STAU2: variants seen among roughly 807,000 people sequenced by gnomAD.
STAU2 encodes double-stranded RNA-binding protein Staufen homolog 2.
A neutral mutation model predicts 65.9 loss-of-function variants in STAU2; 20 were observed. The ratio of observed to expected loss-of-function variants is 0.30; its 90% confidence interval spans 0.21 to 0.44. STAU2 has a LOEUF of 0.44. Ranked by LOEUF, STAU2 falls within the 20% of genes least tolerant of loss-of-function variation. STAU2 has a pLI of 1.00. For missense variants in STAU2, 558 were observed against 683.9 expected (o/e 0.82, Z 2.05); for synonymous variants, 232 against 233.9 (o/e 0.99, Z 0.07).
intron 13 of STAU2, chr8:73,550,620 T>C: frequency 1.0e-6 from 1 of 978,662 alleles, no homozygotes; most frequent in Non-Finnish European, 1.2e-6. Context: ...ACTTAGCTTT[T>C]TTCCAGTACT....
chr8:73,529,993 G>T (rs968539599), intron 13 of STAU2, among the ~76,000 whole-genome samples: 1 of 150,390 alleles, frequency 6.6e-6, no homozygotes, highest in African/African-American at 2.4e-5. Flanking sequence ...TTTTAAAAGA[G>T]ATTTCAAGTG....
intron 4 of STAU2, among the ~76,000 whole-genome samples, chr8:73,695,984 GC>G (rs1819674112): frequency 6.6e-6 from 1 of 152,162 alleles, no homozygotes; most frequent in African/African-American, 2.4e-5. Context: ...CAAGGCCAGT[GC>G]TGTGCTGGCT....
At chr8:73,646,538 C>G (rs1815386319) in intron 6 of STAU2, among the ~76,000 whole-genome samples, 1 of 152,098 alleles carries the variant, frequency 6.6e-6, no homozygotes, top group Non-Finnish European at 1.5e-5. Context: ...AAAACCGAAA[C>G]AAAAACCTTT....
chr8:73,618,333 G>A (rs1212238913), intron 6 of STAU2, among the ~76,000 whole-genome samples: 1 of 152,136 alleles, frequency 6.6e-6, no homozygotes, highest in Non-Finnish European at 1.5e-5. Context: ...AAGTTTCATT[G>A]AGAAAATATC....
chr8:73,621,449 G>A (rs1813227224), intron 6 of STAU2, among the ~76,000 whole-genome samples: 1 of 152,172 alleles, frequency 6.6e-6, no homozygotes, highest in South Asian at 2.1e-4. Context: ...AGCAACATGA[G>A]ATCAGACTAA....
chr8:73,703,980 TTC>T (rs1050321809), intron 4 of STAU2, among the ~76,000 whole-genome samples: 2 of 152,222 alleles, frequency 1.3e-5, no homozygotes, highest in African/African-American at 4.8e-5. Flanking sequence ...TTTTAGTATT[TTC>T]TCTCTCATGA....
intron 13 of STAU2, among the ~76,000 whole-genome samples, chr8:73,455,443 T>C (rs933760232): frequency 3.9e-5 from 6 of 152,162 alleles, no homozygotes; most frequent in Non-Finnish European, 7.4e-5. Context: ...TCACTGTTGC[T>C]GCAGCAGACA....
intron 10 of STAU2, among the ~76,000 whole-genome samples, chr8:73,597,546 T>C (rs1015733123): frequency 6.7e-6 from 1 of 150,254 alleles, no homozygotes; most frequent in African/African-American, 2.4e-5. Context: ...GGCAAGTGCC[T>C]GTAATCCCAG....
intron 3 of STAU2, among the ~76,000 whole-genome samples, chr8:73,720,270 C>CAAAAAAAAA (rs145378789): frequency 9.3e-5 from 13 of 139,806 alleles, no homozygotes; most frequent in Non-Finnish European, 9.1e-5. Flanking sequence ...GACCCTGTCT[C>CAAAAAAAAA]AAAAAAAAAG....
intron 13 of STAU2, among the ~76,000 whole-genome samples, chr8:73,545,959 T>C (rs1025834949): frequency 1.3e-5 from 2 of 151,846 alleles, no homozygotes; most frequent in Admixed American, 6.6e-5. Context: ...ATTGATTTTT[T>C]TGAAACAGGG....
chr8:73,513,015 CA>C (rs1676053706), intron 13 of STAU2, among the ~76,000 whole-genome samples: 2 of 152,280 alleles, frequency 1.3e-5, no homozygotes, highest in South Asian at 4.1e-4. Flanking sequence ...TGAGCCCACT[CA>C]GAAACACTCA....
At chr8:73,669,007 C>T in intron 6 of STAU2, 2 of 699,108 alleles carry the variant, frequency 2.9e-6, no homozygotes, top group South Asian at 3.0e-5. Context: ...ACCTTTCATT[C>T]CCTGCCTTAA....
chr8:73,577,926 T>C (rs1357774618), intron 12 of STAU2, among the ~76,000 whole-genome samples: 6 of 152,224 alleles, frequency 3.9e-5, no homozygotes, highest in Admixed American at 3.9e-4. Context: ...ATGTGTCCTT[T>C]GCATATATTC....
chr8:73,711,037 A>G (rs1820853372), intron 3 of STAU2, among the ~76,000 whole-genome samples: 1 of 151,186 alleles, frequency 6.6e-6, no homozygotes, highest in Non-Finnish European at 1.5e-5. Flanking sequence ...AGCACCTGGT[A>G]AGACCTAAGT....
intron 6 of STAU2, among the ~76,000 whole-genome samples, chr8:73,646,902 A>AT (rs1815416097): frequency 6.6e-6 from 1 of 150,878 alleles, no homozygotes; most frequent in South Asian, 2.1e-4. Context: ...GAAAATGTGC[A>AT]TAAGACAGAG....
At chr8:73,714,808 G>A (rs781579975) in intron 3 of STAU2, among the ~76,000 whole-genome samples, 6 of 152,128 alleles carry the variant, frequency 3.9e-5, no homozygotes, top group East Asian at 1.9e-4. Context: ...AAGGCCAGGC[G>A]TGGTGGCTCA....
intron 13 of STAU2, among the ~76,000 whole-genome samples, chr8:73,483,880 T>C (rs991298856): frequency 3.3e-5 from 5 of 152,160 alleles, no homozygotes; most frequent in African/African-American, 4.8e-5. Context: ...CTATATTTGG[T>C]ATCAGACTTT....
At chr8:73,747,329 C>G, upstream of STAU2, 1 of 1,523,352 alleles carries the variant, frequency 6.6e-7, no homozygotes, top group Non-Finnish European at 8.8e-7. Context: ...CCTTCCCCGC[C>G]CGACTGACCG....
At chr8:73,663,227 G>A (rs1265455778) in intron 6 of STAU2, among the ~76,000 whole-genome samples, 2 of 152,088 alleles carry the variant, frequency 1.3e-5, no homozygotes, top group Non-Finnish European at 2.9e-5. Context: ...CTGTGGCTGT[G>A]TTCCAATGAC....
Sources: allele counts gnomAD v4.1 joint callset (sites outside exome capture counted in the v4.1 genomes callset), GRCh38; gene constraint gnomAD v4.1.1; transcripts MANE v1.5; gene names NCBI Gene and HGNC (gene_info 2026-07-23, HGNC 2026-07-21).